The following MYO5A variants were observed in gnomAD, a reference collection of about 807,000 sequenced individuals.
MYO5A encodes the protein myosin VA, also known as unconventional myosin-Va.
A neutral mutation model predicts 249.7 loss-of-function variants in MYO5A; 98 were observed. The observed-to-expected ratio is 0.39, with a 90% CI of 0.33 to 0.46. The LOEUF (loss-of-function observed/expected upper bound fraction) is 0.46, where lower values mean the gene tolerates loss of function less well. MYO5A is among the 20% of genes least tolerant of loss of function. The pLI, the probability that MYO5A is intolerant of heterozygous loss-of-function variation, is 0.98. For synonymous variants in MYO5A, 778 were observed against 810.6 expected, an observed-to-expected ratio of 0.96 and a Z score of 0.68; for missense variants, 1,696 against 2,308.8, an observed-to-expected ratio of 0.73 and a Z score of 5.44.
chr15:52,475,963 T>C (rs2076582245), intron 1 of MYO5A, among the ~76,000 whole-genome samples: 1 of 152,222 alleles, frequency 6.6e-6, no homozygotes, highest in Admixed American at 6.5e-5. Context: ...TTCTGTCTTG[T>C]GGATCTGTCT....
At chr15:52,508,399 A>C (rs937187199) in intron 1 of MYO5A, among the ~76,000 whole-genome samples, 1 of 151,902 alleles carries the variant, frequency 6.6e-6, no homozygotes, top group Non-Finnish European at 1.5e-5. Context: ...AAAAAAAAGT[A>C]GAACTAACCT....
rs755366134 is a variant in MYO5A, at chr15:52,346,425, C to T, written c.3895G>A (p.Val1299Ile). 17 of 1,607,488 alleles carry T rather than the reference C, an allele frequency of 1.1e-5. No individual in the cohort carries two copies. The highest frequency in any genetic ancestry group is 1.4e-5 in the Non-Finnish European group (17 of 1,174,404). Reference sequence around the variant, plus strand: ...TCACCTTTATCTTTCATTTTTTGTACATCTTCCAAAAGTATTGTGGAATCT... The same window carrying T: ...TCACCTTTATCTTTCATTTTTTGTATATCTTCCAAAAGTATTGTGGAATCT... ...MTDSTILLED[V>I]QKMKDKGEIA... Residue 1299 changes from valine (V) to isoleucine (I), a missense_variant, in exon 30 of 42, where the codon GTA (valine) becomes ATA (isoleucine). Transcript: ENST00000399233.
At chr15:52,443,484 G>A (rs1042278991) in intron 1 of MYO5A, among the ~76,000 whole-genome samples, 2 of 151,830 alleles carry the variant, frequency 1.3e-5, no homozygotes, top group African/African-American at 2.4e-5. Flanking sequence ...AGGCTGAGGC[G>A]GGTAGATCAC....
In MYO5A at chr15:52,425,824, A is replaced by G; in HGVS notation, c.455+6T>C. 1 of 1,613,968 alleles carries G rather than the reference A, an allele frequency of 6.2e-7. No homozygotes were observed. The highest frequency in any genetic ancestry group is 8.5e-7 in the Non-Finnish European group (1 of 1,179,918). On this transcript the variant is annotated splice_donor_region_variant and intron_variant, in intron 4 of 41. Transcript: ENST00000399233. ...CCATAAAATAACAATGAAAGCTTCT[A>G]CCAACCTGGCCATTTGCTTGTAAGC...
At chr15:52,491,742 G>A (rs1468194977) in intron 1 of MYO5A, among the ~76,000 whole-genome samples, 1 of 152,172 alleles carries the variant, frequency 6.6e-6, no homozygotes, top group East Asian at 1.9e-4. Context: ...CAGGATATAT[G>A]AAGGCATTGG....
intron 9 of MYO5A, among the ~76,000 whole-genome samples, chr15:52,400,062 GC>G (rs2042680079): frequency 6.6e-6 from 1 of 151,990 alleles, no homozygotes; most frequent in Non-Finnish European, 1.5e-5. Context: ...AAATCTTTTA[GC>G]TGGAGCACTT....
intron 1 of MYO5A, among the ~76,000 whole-genome samples, chr15:52,471,806 A>T (rs2076478705): frequency 6.6e-6 from 1 of 151,906 alleles, no homozygotes; most frequent in Non-Finnish European, 1.5e-5. Flanking sequence ...TCAAGTGATC[A>T]TCCCTTCTCA....
chr15:52,427,638 A>G (rs1164750852), intron 3 of MYO5A, among the ~76,000 whole-genome samples: 2 of 152,208 alleles, frequency 1.3e-5, no homozygotes, highest in African/African-American at 4.8e-5. Context: ...GTTCCTGTCT[A>G]AAACAGGAGA....
At chr15:52,377,750 T>C (rs918517308) in intron 18 of MYO5A, among the ~76,000 whole-genome samples, 2 of 151,936 alleles carry the variant, frequency 1.3e-5, no homozygotes, top group Non-Finnish European at 2.9e-5. Context: ...TTTGTATTTT[T>C]AGTGGAGACA....
chr15:52,389,093 C>A, intron 13 of MYO5A, 145 bp downstream of exon 13: 4 of 734,672 alleles, frequency 5.4e-6, no homozygotes, highest in Admixed American at 3.2e-5. Context: ...AAGAGAAAAC[C>A]AACATGTCAA....
chr15:52,384,121 G>A (rs924178946), intron 15 of MYO5A, 40 bp downstream of exon 15: 6 of 1,613,046 alleles, frequency 3.7e-6, no homozygotes, highest in Non-Finnish European at 5.1e-6. Flanking sequence ...AGATGAGCCA[G>A]AAAGGAAGGA....
chr15:52,506,693 G>A (rs919499595), intron 1 of MYO5A, among the ~76,000 whole-genome samples: 1 of 151,922 alleles, frequency 6.6e-6, no homozygotes, highest in Non-Finnish European at 1.5e-5. Context: ...AAAATTAGCC[G>A]GCGTGGTTGC....
rs182777238 is a variant in MYO5A, at chr15:52,493,640, C to A, written c.27+35140G>T. Among the ~76,000 whole-genome samples, 5 of 151,560 alleles carry A rather than the reference C, an allele frequency of 3.3e-5. No homozygotes were observed. The East Asian group carries it at 9.7e-4, about 29-fold the overall frequency. On this transcript the variant is annotated intron_variant, in intron 1 of 41. Coordinates refer to ENST00000399233, the MANE Select transcript of MYO5A (RefSeq NM_001382347.1). ...TCATGCCATTGCACTCCAGTCTGGG[C>A]GATAGAGCGAGACTCAGTCTCAAAA...
rs777300201 is a variant in MYO5A, at chr15:52,500,095, T to C, written c.27+28685A>G. On this transcript the variant is annotated intron_variant, in intron 1 of 41. Transcript: ENST00000399233. ...TAAATAAAAATTTGAGGAACTGACA[T>C]ACTGTTTTCCATAGTGGCTGCATTT... is the stretch of plus-strand genomic sequence containing the variant. 3.9e-5 allele frequency among the ~76,000 whole-genome samples: 6 copies of C among 152,148 alleles called. No individual in the cohort carries two copies. In the East Asian group the frequency reaches 9.6e-4, roughly 24 times the overall value.
chr15:52,517,313 C>A (rs1375942876), intron 1 of MYO5A, among the ~76,000 whole-genome samples: 2 of 152,212 alleles, frequency 1.3e-5, no homozygotes, highest in East Asian at 3.8e-4. Flanking sequence ...TAACATATCA[C>A]TTCCATTAGT....
At chr15:52,514,889 C>T (rs1025510188) in intron 1 of MYO5A, among the ~76,000 whole-genome samples, 19 of 152,124 alleles carry the variant, frequency 1.2e-4, no homozygotes, top group African/African-American at 3.9e-4. Flanking sequence ...CAGATATGTG[C>T]ATTACAAAGA....
intron 1 of MYO5A, among the ~76,000 whole-genome samples, chr15:52,494,799 G>A (rs938027487): frequency 6.6e-6 from 1 of 152,078 alleles, no homozygotes; most frequent in African/African-American, 2.4e-5. Context: ...GGCCTTTCTT[G>A]TTATCTATTA....
chr15:52,418,584 A>G (rs2043630209), intron 4 of MYO5A, among the ~76,000 whole-genome samples: 1 of 152,096 alleles, frequency 6.6e-6, no homozygotes, highest in Admixed American at 6.6e-5. Context: ...GTAATACCAG[A>G]ATTGAGAGGG....
intron 11 of MYO5A, among the ~76,000 whole-genome samples, chr15:52,395,122 G>A (rs2141178641): frequency 6.6e-6 from 1 of 152,236 alleles, no homozygotes; most frequent in South Asian, 2.1e-4. Flanking sequence ...GCTCCCTGGA[G>A]GCAACCATTT....
Sources: gnomAD v4.1 joint callset for allele counts (sites outside exome capture counted in the v4.1 genomes callset) on GRCh38, gnomAD v4.1.1 for gene constraint, MANE v1.5 for transcripts, NCBI Gene and HGNC (gene_info 2026-07-23, HGNC 2026-07-21) for gene names.